DPYD: variants seen among roughly 807,000 people sequenced by gnomAD.
DPYD encodes dihydropyrimidine dehydrogenase [NADP(+)].
DPYD carries 109 observed loss-of-function variants against 116.2 expected under a neutral mutation model. The observed-to-expected ratio is 0.94, with a 90% CI of 0.80 to 1.10. The LOEUF (loss-of-function observed/expected upper bound fraction) is 1.10, where lower values mean the gene tolerates loss of function less well. Ranked by LOEUF, DPYD falls within the 50% of genes least tolerant of loss-of-function variation. The pLI is 0.00. For synonymous variants in DPYD, 440 were observed against 432.0 expected, an observed-to-expected ratio of 1.02 and a Z score of -0.23; for missense variants, 1,302 against 1,254.5, an observed-to-expected ratio of 1.04 and a Z score of -0.57.
chr1:97,340,416 G>A (rs1332904366), intron 16 of DPYD, among the ~76,000 whole-genome samples: 1 of 152,156 alleles, frequency 6.6e-6, no homozygotes, highest in Non-Finnish European at 1.5e-5. Context: ...AGGCATGGTG[G>A]CTCTGCACTT....
At chr1:97,222,625 A>T (rs903511526) in intron 19 of DPYD, among the ~76,000 whole-genome samples, 7 of 152,158 alleles carry the variant, frequency 4.6e-5, no homozygotes, top group African/African-American at 1.7e-4. Context: ...AAATAATGTG[A>T]TAACTGACAC....
At chr1:97,853,277 T>C (rs1170839464) in intron 2 of DPYD, among the ~76,000 whole-genome samples, 1 of 152,254 alleles carries the variant, frequency 6.6e-6, no homozygotes, top group Non-Finnish European at 1.5e-5. Context: ...TATTGATTTA[T>C]ATTTAAATCA....
intron 19 of DPYD, among the ~76,000 whole-genome samples, chr1:97,203,793 C>CAAAAAAAAA (rs56819543): frequency 9.1e-5 from 6 of 65,708 alleles, no homozygotes; most frequent in South Asian, 4.7e-4. Flanking sequence ...ATTCACATTC[C>CAAAAAAAAA]AAAAAAAAAA....
At chr1:97,167,516 C>T (rs964713390) in intron 20 of DPYD, among the ~76,000 whole-genome samples, 3 of 152,054 alleles carry the variant, frequency 2.0e-5, no homozygotes, top group Admixed American at 6.6e-5. Context: ...CTATATTCTA[C>T]AAAAGTCTAC....
At chr1:97,699,968 C>A (rs1661505800) in intron 5 of DPYD, among the ~76,000 whole-genome samples, 1 of 152,082 alleles carries the variant, frequency 6.6e-6, no homozygotes, top group Admixed American at 6.6e-5. Flanking sequence ...TAGGAGTTAG[C>A]ATTGCGATGG....
At chr1:97,869,211 C>A (rs1671541337) in intron 2 of DPYD, among the ~76,000 whole-genome samples, 1 of 151,690 alleles carries the variant, frequency 6.6e-6, no homozygotes, top group African/African-American at 2.4e-5. Flanking sequence ...CCATCAGATT[C>A]AAGTGGCCAG....
intron 19 of DPYD, among the ~76,000 whole-genome samples, chr1:97,208,305 T>TTGA (rs1659802800): frequency 6.6e-6 from 1 of 151,140 alleles, no homozygotes; most frequent in African/African-American, 2.4e-5. Context: ...TTTTTTTTTT[T>TTGA]GACAGGGTCT....
chr1:97,326,929 T>C lies in DPYD; in HGVS notation c.2059-20632A>G, dbSNP rs1301223366. 2.6e-5 allele frequency among the ~76,000 whole-genome samples: 4 copies of C among 151,812 alleles called. No individual in the cohort carries two copies. The East Asian group carries it at 7.8e-4, about 29-fold the overall frequency. ...AGAACTAATGACATGATGAAAGAGA[T>C]CATCTGTTATGTTACAAGGCAATAA... On this transcript the variant is annotated intron_variant, in intron 16 of 22. Transcript: ENST00000370192.
chr1:97,532,983 C>A (rs1649744769), intron 12 of DPYD, among the ~76,000 whole-genome samples: 3 of 149,072 alleles, frequency 2.0e-5, no homozygotes. Flanking sequence ...TTATTTATTT[C>A]AGATCTTCTT....
chr1:97,684,174 G>A lies in DPYD; in HGVS notation c.763-4992C>T, dbSNP rs72977703. ...CTAGCTTTCTGAAGTGGCATTTAGC[G>A]CTGTAAATTTCCCTCTTAACACTGC... On this transcript the variant is annotated intron_variant, in intron 7 of 22. Transcript: ENST00000370192. Among the ~76,000 whole-genome samples, 769 of 152,176 alleles carry A rather than the reference G, an allele frequency of 5.1e-3. 5 individuals carry two copies. Among genetic ancestry groups the A allele is most frequent in the African/African-American group, 0.017 (721 of 41,506 alleles).
chr1:97,406,560 AC>A (rs538931453), intron 14 of DPYD, among the ~76,000 whole-genome samples: 851 of 42,578 alleles, frequency 0.02, 14 homozygotes, highest in African/African-American at 0.069. Flanking sequence ...CTAGCCCCCC[AC>A]CCCCCGACAG....
At chr1:97,125,078 C>A (rs919124624) in intron 20 of DPYD, among the ~76,000 whole-genome samples, 2 of 152,070 alleles carry the variant, frequency 1.3e-5, no homozygotes, top group Admixed American at 6.6e-5. Flanking sequence ...TTAAAGGATT[C>A]TTTTTAGATA....
chr1:97,331,438 C>A (rs1421240500), intron 16 of DPYD, among the ~76,000 whole-genome samples: 1 of 152,064 alleles, frequency 6.6e-6, no homozygotes, highest in African/African-American at 2.4e-5. Context: ...TATGGCTGTG[C>A]GACTGTACTA....
At chr1:97,525,327 T>C (rs973555957) in intron 12 of DPYD, among the ~76,000 whole-genome samples, 1 of 152,060 alleles carries the variant, frequency 6.6e-6, no homozygotes, top group African/African-American at 2.4e-5. Flanking sequence ...CAAATGTTAT[T>C]ATATACAAAT....
chr1:97,744,634 T>C (rs1664446629), intron 3 of DPYD, among the ~76,000 whole-genome samples: 1 of 152,046 alleles, frequency 6.6e-6, no homozygotes, highest in African/African-American at 2.4e-5. Context: ...AATTAAAATA[T>C]TTTCCTAATA....
At chr1:97,197,376 G>T (rs1280851451) in intron 19 of DPYD, among the ~76,000 whole-genome samples, 2 of 151,970 alleles carry the variant, frequency 1.3e-5, no homozygotes, top group Non-Finnish European at 2.9e-5. Flanking sequence ...ATGCTTATGG[G>T]TATACTTTAC....
At chr1:97,907,724 C>T (rs1673709195) in intron 1 of DPYD, among the ~76,000 whole-genome samples, 2 of 151,998 alleles carry the variant, frequency 1.3e-5, no homozygotes, top group African/African-American at 4.8e-5. Flanking sequence ...CTTTGTCCTT[C>T]CTCTTTCCTT....
chr1:97,732,120 T>G (rs936585198), intron 4 of DPYD, among the ~76,000 whole-genome samples: 1 of 152,176 alleles, frequency 6.6e-6, no homozygotes, highest in Non-Finnish European at 1.5e-5. Flanking sequence ...TACAGGCTTT[T>G]CAAATCTGAA....
intron 16 of DPYD, among the ~76,000 whole-genome samples, chr1:97,372,665 C>T (rs1318157414): frequency 1.3e-5 from 2 of 151,894 alleles, no homozygotes; most frequent in Non-Finnish European, 2.9e-5. Flanking sequence ...AATCTATGTT[C>T]ATTTAAATAA....
Sources: gnomAD v4.1 joint callset for allele counts (sites outside exome capture counted in the v4.1 genomes callset) on GRCh38, gnomAD v4.1.1 for gene constraint, MANE v1.5 for transcripts, NCBI Gene and HGNC (gene_info 2026-07-23, HGNC 2026-07-21) for gene names.